The following NOVA1 variants were observed in gnomAD, a reference collection of about 807,000 sequenced individuals.
The protein encoded by NOVA1 is NOVA alternative splicing regulator 1.
Under a neutral mutation model 38.0 loss-of-function variants are expected in NOVA1, and 7 were observed. The ratio of observed to expected loss-of-function variants is 0.18; its 90% CI spans 0.10 to 0.35. NOVA1 has a LOEUF of 0.35. NOVA1 is among the 10% of genes least tolerant of loss of function. The pLI is 1.00. For synonymous variants in NOVA1, 270 were observed against 232.5 expected (o/e 1.16, Z -1.47); for missense variants, 460 against 616.0 (o/e 0.75, Z 2.68).
intron 2 of NOVA1, among the ~76,000 whole-genome samples, chr14:26,577,444 CT>C (rs1371984364): frequency 1.3e-5 from 2 of 151,934 alleles, no homozygotes; most frequent in African/African-American, 2.4e-5. Flanking sequence ...AGACAGGCTA[CT>C]TTTTTTTGTC....
At chr14:26,511,566 A>G (rs1888088709) in intron 2 of NOVA1, among the ~76,000 whole-genome samples, 1 of 152,020 alleles carries the variant, frequency 6.6e-6, no homozygotes, top group African/African-American at 2.4e-5. Flanking sequence ...ATCCTGGCCA[A>G]CATGGTGAAA....
At chr14:26,450,192 G>A (rs1279769800) in intron 4 of NOVA1, among the ~76,000 whole-genome samples, 8 of 152,056 alleles carry the variant, frequency 5.3e-5, no homozygotes, top group African/African-American at 1.9e-4. Context: ...GGTATTCTAT[G>A]AGGGATTTCA....
chr14:26,533,200 A>G (rs763736140), intron 2 of NOVA1, among the ~76,000 whole-genome samples: 3 of 152,218 alleles, frequency 2.0e-5, no homozygotes, highest in Admixed American at 6.5e-5. Flanking sequence ...CATCTACCGT[A>G]TCCAATCAGT....
intron 4 of NOVA1, among the ~76,000 whole-genome samples, chr14:26,465,584 C>A (rs1387053187): frequency 6.6e-6 from 1 of 152,112 alleles, no homozygotes; most frequent in Non-Finnish European, 1.5e-5. Flanking sequence ...GACATCAAGC[C>A]AAGAAGGCTA....
chr14:26,542,804 T>C (rs1890553017), intron 2 of NOVA1, among the ~76,000 whole-genome samples: 1 of 151,654 alleles, frequency 6.6e-6, no homozygotes, highest in Admixed American at 6.6e-5. Flanking sequence ...TAATTAGTTA[T>C]TTTTACTTGC....
rs141735966 is a variant in NOVA1, at chr14:26,576,979, C to T, written c.280+18431G>A. On this transcript the variant is annotated intron_variant, in intron 2 of 4. Transcript: ENST00000539517. Reference sequence around the variant, plus strand: ...TAGACTTATTCATACTACATAGCTGCATGTTTGTACCTTTTGACCTACTCT... The same window carrying T: ...TAGACTTATTCATACTACATAGCTGTATGTTTGTACCTTTTGACCTACTCT... 6.6e-3 allele frequency among the ~76,000 whole-genome samples: 1,002 copies of T among 151,960 alleles called. 5 individuals carry two copies. Among genetic ancestry groups the T allele is most frequent in the Non-Finnish European group, 0.011 (720 of 67,880 alleles).
rs574133253 is a variant in NOVA1 at position 26,468,642 on chromosome 14, G to A, written c.519+3678C>T. On this transcript the variant is annotated intron_variant, in intron 4 of 4. Transcript: ENST00000539517. ...AATAAGAGAATAAGAAAGTCAATGA[G>A]CTTACAAATGACAGAATTAAGAATC... Among the ~76,000 whole-genome samples, 8 of 152,280 alleles carry A rather than the reference G, an allele frequency of 5.3e-5. No homozygotes were observed. In the East Asian group the frequency reaches 1.5e-3, roughly 29 times the overall value.
chr14:26,479,490 G>A (rs576869745), intron 3 of NOVA1: 1 of 152,984 alleles, frequency 6.5e-6, no homozygotes, highest in East Asian at 1.9e-4. Flanking sequence ...CTGTATGGTA[G>A]GTACATAAAT....
At chr14:26,570,404 A>G (rs1449867534) in intron 2 of NOVA1, among the ~76,000 whole-genome samples, 1 of 151,976 alleles carries the variant, frequency 6.6e-6, no homozygotes, top group Admixed American at 6.6e-5. Context: ...AAAAAACTCA[A>G]CTGAACAAAG....
chr14:26,501,837 G>A (rs959838063), intron 2 of NOVA1, among the ~76,000 whole-genome samples: 3 of 151,776 alleles, frequency 2.0e-5, no homozygotes, highest in African/African-American at 7.2e-5. Flanking sequence ...AAATCAAAGT[G>A]CCCATTTACT....
chr14:26,479,501 T>G lies in NOVA1; in HGVS notation c.447+476A>C, dbSNP rs117053442. On this transcript the variant is annotated intron_variant, in intron 3 of 4. Transcript: ENST00000539517. Reference sequence around the variant, plus strand: ...AGGACTGTATGGTAGGTACATAAATTTACTATACATTTTTTTGATAAAAAA... The same window carrying G: ...AGGACTGTATGGTAGGTACATAAATGTACTATACATTTTTTTGATAAAAAA... The G allele has an allele frequency of 1.0e-3, 155 of 153,968 alleles. 1 individual carries two copies. The highest frequency in any genetic ancestry group is 1.4e-3 in the Non-Finnish European group (97 of 69,306). The allele number at this position is 153,968 out of a possible 1,614,324, so 9.5% of individuals were successfully genotyped here.
intron 2 of NOVA1, among the ~76,000 whole-genome samples, chr14:26,490,535 T>C (rs1048484510): frequency 6.6e-6 from 1 of 152,218 alleles, no homozygotes; most frequent in Non-Finnish European, 1.5e-5. Context: ...GCCATCCTAA[T>C]AGGTGTGAAG....
At chr14:26,517,095 C>T (rs1007804240) in intron 2 of NOVA1, among the ~76,000 whole-genome samples, 4 of 151,848 alleles carry the variant, frequency 2.6e-5, no homozygotes, top group African/African-American at 4.8e-5. Context: ...TTAGTAGAGA[C>T]GGGGTTTCAC....
At chr14:26,465,303 C>T (rs957149359) in intron 4 of NOVA1, among the ~76,000 whole-genome samples, 1 of 152,008 alleles carries the variant, frequency 6.6e-6, no homozygotes, top group African/African-American at 2.4e-5. Flanking sequence ...GCCTCCTGAG[C>T]AGCTGGGATT....
intron 2 of NOVA1, among the ~76,000 whole-genome samples, chr14:26,535,249 T>C (rs1889984600): frequency 6.6e-6 from 1 of 152,170 alleles, no homozygotes; most frequent in Non-Finnish European, 1.5e-5. Flanking sequence ...TTTTAAAAAA[T>C]CTCAGTTCTT....
intron 2 of NOVA1, among the ~76,000 whole-genome samples, chr14:26,511,867 G>A (rs1327432547): frequency 6.6e-6 from 1 of 152,092 alleles, no homozygotes; most frequent in Non-Finnish European, 1.5e-5. Context: ...CCCTTTCATA[G>A]TCTAGGTAGT....
intron 2 of NOVA1, among the ~76,000 whole-genome samples, chr14:26,579,597 A>G (rs1373942876): frequency 3.3e-5 from 5 of 152,184 alleles, no homozygotes; most frequent in Admixed American, 2.6e-4. Flanking sequence ...TTAATTTACT[A>G]TATGAAGTAT....
chr14:26,579,875 AAAAATTAAATT>A (rs1164801095), intron 2 of NOVA1, among the ~76,000 whole-genome samples: 9 of 152,230 alleles, frequency 5.9e-5, no homozygotes, highest in African/African-American at 2.2e-4. Context: ...TAAAACTTAA[AAAAATTAAATT>A]ACTTTTATTT....
chr14:26,590,001 C>T (rs1893749018), intron 2 of NOVA1, among the ~76,000 whole-genome samples: 1 of 151,824 alleles, frequency 6.6e-6, no homozygotes, highest in South Asian at 2.1e-4. Flanking sequence ...GTTAATTAAG[C>T]TCCATAGCAG....
Sources: allele counts gnomAD v4.1 joint callset (sites outside exome capture counted in the v4.1 genomes callset), GRCh38; gene constraint gnomAD v4.1.1; transcripts MANE v1.5; gene names NCBI Gene and HGNC (gene_info 2026-07-23, HGNC 2026-07-21).